The following L3MBTL4 variants were observed in gnomAD, a reference collection of about 807,000 sequenced individuals.
The protein encoded by L3MBTL4 is lethal(3)malignant brain tumor-like protein 4.
A neutral mutation model predicts 84.5 loss-of-function variants in L3MBTL4; 70 were observed. The ratio of observed to expected loss-of-function variants is 0.83; its 90% CI spans 0.68 to 1.01. L3MBTL4 has a LOEUF of 1.01. Ranked by LOEUF, L3MBTL4 falls within the 50% of genes least tolerant of loss-of-function variation. The probability of loss-of-function intolerance (pLI) is 0.00; values close to 1 mark genes in which losing one functional copy is unlikely to be tolerated. For missense variants in L3MBTL4, 715 were observed against 754.8 expected, an observed-to-expected ratio of 0.95 and a Z score of 0.62; for synonymous variants, 274 against 259.8, an observed-to-expected ratio of 1.05 and a Z score of -0.52.
intron 9 of L3MBTL4, among the ~76,000 whole-genome samples, chr18:6,238,488 G>C (rs910918345): frequency 7.2e-5 from 11 of 152,020 alleles, no homozygotes. Context: ...AGCCAAGATC[G>C]CGCCACTGCA....
intron 7 of L3MBTL4, among the ~76,000 whole-genome samples, chr18:6,241,941 G>C (rs886664769): frequency 6.6e-6 from 1 of 152,142 alleles, no homozygotes; most frequent in African/African-American, 2.4e-5. Flanking sequence ...GCACAGAAAC[G>C]CCTTCTCAAT....
At chr18:6,030,299 A>T in intron 16 of L3MBTL4, 1 of 985,432 alleles carries the variant, frequency 1.0e-6, no homozygotes, top group African/African-American at 1.7e-5. Flanking sequence ...GCACAAATCA[A>T]TAATATGCTT....
At chr18:6,090,284 C>T (rs1412006450) in intron 15 of L3MBTL4, among the ~76,000 whole-genome samples, 1 of 151,948 alleles carries the variant, frequency 6.6e-6, no homozygotes, top group Admixed American at 6.6e-5. Context: ...ATATAAATCT[C>T]TCAAAATAAA....
intron 16 of L3MBTL4, among the ~76,000 whole-genome samples, chr18:6,075,319 A>G (rs2057821172): frequency 6.6e-6 from 1 of 152,188 alleles, no homozygotes; most frequent in Non-Finnish European, 1.5e-5. Context: ...TAGTATTGGC[A>G]CAAGAATAGC....
intron 5 of L3MBTL4, among the ~76,000 whole-genome samples, chr18:6,247,214 T>C (rs1417257702): frequency 1.3e-5 from 2 of 152,200 alleles, no homozygotes; most frequent in Admixed American, 6.5e-5. Flanking sequence ...AGTTATTAAC[T>C]GTAAATTTAA....
At chr18:6,285,805 A>T (rs2049545903) in intron 4 of L3MBTL4, among the ~76,000 whole-genome samples, 1 of 143,176 alleles carries the variant, frequency 7.0e-6, no homozygotes, top group African/African-American at 2.6e-5. Context: ...CTTTTTTAAA[A>T]GATATATTAT....
intron 12 of L3MBTL4, among the ~76,000 whole-genome samples, chr18:6,176,388 TA>T (rs1182715150): frequency 6.6e-6 from 1 of 152,146 alleles, no homozygotes; most frequent in East Asian, 1.9e-4. Flanking sequence ...ATACTGCATA[TA>T]AATTGATCCA....
At chr18:6,343,834 T>C (rs747809072) in intron 1 of L3MBTL4, among the ~76,000 whole-genome samples, 1 of 151,132 alleles carries the variant, frequency 6.6e-6, no homozygotes, top group African/African-American at 2.4e-5. Flanking sequence ...AAAAGGGAAA[T>C]CAAAAATATC....
At chr18:6,087,946 C>T (rs1470612626) in intron 15 of L3MBTL4, among the ~76,000 whole-genome samples, 1 of 152,052 alleles carries the variant, frequency 6.6e-6, no homozygotes, top group Non-Finnish European at 1.5e-5. Flanking sequence ...AATGGAGACT[C>T]TAAGAGAAAA....
At chr18:6,004,230 A>C (rs2054356979) in intron 16 of L3MBTL4, among the ~76,000 whole-genome samples, 1 of 152,180 alleles carries the variant, frequency 6.6e-6, no homozygotes, top group South Asian at 2.1e-4. Flanking sequence ...AAAGGATTAT[A>C]AGAGAGTAGT....
intron 13 of L3MBTL4, among the ~76,000 whole-genome samples, chr18:6,162,671 A>G (rs1289378354): frequency 6.6e-6 from 1 of 152,234 alleles, no homozygotes; most frequent in African/African-American, 2.4e-5. Flanking sequence ...TACACATATC[A>G]TAGATAAAAG....
chr18:6,093,665 A>G (rs1333804493), intron 14 of L3MBTL4, 137 bp from the exon 15 acceptor site: 1 of 654,068 alleles, frequency 1.5e-6, no homozygotes, highest in Non-Finnish European at 2.3e-6. Flanking sequence ...ACACTCAAAT[A>G]ATAGTTTCTT....
chr18:6,340,705 C>T (rs889890784), intron 1 of L3MBTL4, among the ~76,000 whole-genome samples: 5 of 152,154 alleles, frequency 3.3e-5, no homozygotes, highest in Non-Finnish European at 7.4e-5. Flanking sequence ...CTCCTGTGGG[C>T]CCTTGCACCC....
chr18:6,378,436 A>G (rs376920872), intron 1 of L3MBTL4, among the ~76,000 whole-genome samples: 12 of 152,174 alleles, frequency 7.9e-5, no homozygotes, highest in African/African-American at 2.9e-4. Flanking sequence ...TTTGTCTAGT[A>G]TTTTTATGGT....
At chr18:6,102,210 G>T (rs2058856028) in intron 14 of L3MBTL4, among the ~76,000 whole-genome samples, 1 of 152,178 alleles carries the variant, frequency 6.6e-6, no homozygotes, top group African/African-American at 2.4e-5. Context: ...AGTGTCTAAA[G>T]AAATACCAGT....
intron 12 of L3MBTL4, among the ~76,000 whole-genome samples, chr18:6,177,888 C>T (rs2044293972): frequency 6.6e-6 from 1 of 152,172 alleles, no homozygotes; most frequent in Non-Finnish European, 1.5e-5. Context: ...ATAAATTTCC[C>T]AAGCTTCAAC....
intron 1 of L3MBTL4, among the ~76,000 whole-genome samples, chr18:6,401,763 C>A (rs2055520965): frequency 6.6e-6 from 1 of 152,192 alleles, no homozygotes; most frequent in South Asian, 2.1e-4. Flanking sequence ...TGTGGTGACA[C>A]CTCCAGCATC....
At chr18:6,196,981 C>T (rs1372109549) in intron 12 of L3MBTL4, among the ~76,000 whole-genome samples, 4 of 152,202 alleles carry the variant, frequency 2.6e-5, no homozygotes, top group Non-Finnish European at 5.9e-5. Context: ...ATCTGAAGTT[C>T]CATCCAAAAG....
intron 5 of L3MBTL4, chr18:6,260,899 C>A (rs1190741902): frequency 6.6e-6 from 1 of 152,126 alleles, no homozygotes; most frequent in Non-Finnish European, 1.5e-5. Flanking sequence ...GAACCATCTG[C>A]CTTTTTGATT....
Sources: allele counts gnomAD v4.1 joint callset (sites outside exome capture counted in the v4.1 genomes callset), GRCh38; gene constraint gnomAD v4.1.1; transcripts MANE v1.5; gene names NCBI Gene and HGNC (gene_info 2026-07-23, HGNC 2026-07-21).